The following TLR6 variants were observed in gnomAD, a reference collection of about 807,000 sequenced individuals.
The protein encoded by TLR6 is toll-like receptor 6.
In TLR6, 9 loss-of-function variants were observed where a neutral mutation model predicts 16.1. The ratio of observed to expected loss-of-function variants is 0.56; its 90% CI spans 0.34 to 0.98. The LOEUF is 0.98. TLR6 is among the 50% of genes least tolerant of loss of function. TLR6 has a pLI of 0.02. For synonymous variants in TLR6, 340 were observed against 338.6 expected (o/e 1.00, Z -0.04); for missense variants, 786 against 921.0 (o/e 0.85, Z 1.90).
chr4:38,845,861 G>A (rs1414413979), intron 1 of TLR6, among the ~76,000 whole-genome samples: 3 of 152,146 alleles, frequency 2.0e-5, no homozygotes, highest in Non-Finnish European at 4.4e-5. Flanking sequence ...GGAGGCCGAG[G>A]TGGATGGATT....
intron 1 of TLR6, among the ~76,000 whole-genome samples, chr4:38,849,034 T>C (rs1409554167): frequency 6.6e-6 from 1 of 152,178 alleles, no homozygotes; most frequent in East Asian, 1.9e-4. Context: ...GAGAGAAAGG[T>C]TGGGTTACCC....
At chr4:38,839,184 G>C (rs1411084224) in intron 1 of TLR6, among the ~76,000 whole-genome samples, 1 of 151,512 alleles carries the variant, frequency 6.6e-6, no homozygotes, top group African/African-American at 2.4e-5. Context: ...CATTTTGCTA[G>C]GTGAAAGAAG....
chr4:38,847,512 G>A (rs574035436), intron 1 of TLR6, among the ~76,000 whole-genome samples: 5 of 64 alleles, frequency 0.078, no homozygotes, highest in South Asian at 0.42. Flanking sequence ...AAGCACAAGG[G>A]GTCAGGAATT....
chr4:38,834,133 G>A (rs1248077489), intron 1 of TLR6, among the ~76,000 whole-genome samples: 8 of 151,448 alleles, frequency 5.3e-5, no homozygotes, highest in Middle Eastern at 3.4e-3. Flanking sequence ...AGCTACTTGC[G>A]AGGCTGAGGC....
intron 1 of TLR6, among the ~76,000 whole-genome samples, chr4:38,841,019 G>A (rs1345762673): frequency 4.0e-5 from 6 of 151,776 alleles, no homozygotes; most frequent in Admixed American, 3.9e-4. Context: ...CTGTCCCTGT[G>A]ATATACTTTT....
exon 2 of TLR6, chr4:38,826,771 T>C (rs1727559385): frequency 9.7e-6 from 2 of 206,902 alleles, no homozygotes; most frequent in African/African-American, 4.7e-5. Flanking sequence ...CATGAAGCCA[T>C]ATAAACTCTT....
At chr4:38,829,212 T>G (rs1400960685) in exon 2 of TLR6, 2 of 1,614,168 alleles carry the variant, frequency 1.2e-6, no homozygotes, top group East Asian at 4.5e-5. Flanking sequence ...AGTAGCTGGA[T>G]TCTGTTATGG....
In TLR6 at chr4:38,832,935, G is replaced by A. The variant is rs115824768; in HGVS notation, c.-64-3398C>T. 8.2e-3 allele frequency among the ~76,000 whole-genome samples: 1,243 copies of A among 151,640 alleles called. 22 individuals carry two copies. Among genetic ancestry groups the A allele is most frequent in the African/African-American group, 0.028 (1,162 of 41,312 alleles). Reference sequence around the variant, plus strand: ...CCATCTTCCCTAGCAGCAGGACTACGACACATCTACACATGCCTCCAAGGG... The same window carrying A: ...CCATCTTCCCTAGCAGCAGGACTACAACACATCTACACATGCCTCCAAGGG... On this transcript the variant is annotated intron_variant, in intron 1 of 1. Coordinates refer to ENST00000436693, the Ensembl canonical transcript of TLR6.
chr4:38,831,526 A>G (rs1223507216), intron 1 of TLR6, among the ~76,000 whole-genome samples: 1 of 152,246 alleles, frequency 6.6e-6, no homozygotes, highest in Non-Finnish European at 1.5e-5. Flanking sequence ...CTTCATTAAA[A>G]TTAAAATTTT....
At chr4:38,865,937 G>A in the TLR6 span, among the ~76,000 whole-genome samples, 11 of 151,972 alleles carry the variant, frequency 7.2e-5, no homozygotes, top group Admixed American at 4.6e-4. Flanking sequence ...TCAGGAGTTC[G>A]AGACCAGCCT....
chr4:38,838,690 A>T (rs1712061873), intron 1 of TLR6, among the ~76,000 whole-genome samples: 1 of 152,176 alleles, frequency 6.6e-6, no homozygotes, highest in Non-Finnish European at 1.5e-5. Context: ...GGGTGACTAT[A>T]GCTAACAATA....
the TLR6 span, among the ~76,000 whole-genome samples, chr4:38,866,709 G>T: frequency 5.6e-4 from 85 of 152,004 alleles, 1 homozygote; most frequent in African/African-American, 1.9e-3. Context: ...TACAAAATAC[G>T]TCAACATCTC....
At chr4:38,827,084 T>A (rs1238730890) in exon 2 of TLR6, 5 of 1,567,322 alleles carry the variant, frequency 3.2e-6, no homozygotes, top group South Asian at 1.2e-5. Flanking sequence ...TAAATTTTTT[T>A]AAGATTTCAC....
intron 1 of TLR6, among the ~76,000 whole-genome samples, chr4:38,832,194 T>C (rs1050073695): frequency 3.9e-5 from 6 of 152,194 alleles, no homozygotes; most frequent in African/African-American, 1.4e-4. Flanking sequence ...AGCATTAAAA[T>C]GGCTGAATAG....
At chr4:38,837,148 T>C (rs1334016604) in intron 1 of TLR6, among the ~76,000 whole-genome samples, 1 of 152,102 alleles carries the variant, frequency 6.6e-6, no homozygotes, top group Admixed American at 6.5e-5. Flanking sequence ...ATTGTTAAAA[T>C]GACCACACTA....
upstream of TLR6, among the ~76,000 whole-genome samples, chr4:38,860,213 T>C (rs555815482): frequency 6.6e-6 from 1 of 152,138 alleles, no homozygotes; most frequent in Non-Finnish European, 1.5e-5. Context: ...GGCTCACACT[T>C]GTAATCTCAG....
exon 2 of TLR6, chr4:38,828,467 A>G: frequency 6.2e-7 from 1 of 1,614,198 alleles, no homozygotes; most frequent in Admixed American, 1.7e-5. Flanking sequence ...TGAAATGGTT[A>G]ACATCATAAT....
At chr4:38,827,693 G>A in exon 2 of TLR6, 1 of 1,614,184 alleles carries the variant, frequency 6.2e-7, no homozygotes, top group South Asian at 1.1e-5. Flanking sequence ...CACCAGCATG[G>A]TGGCACCGAT....
chr4:38,827,899 T>C, exon 2 of TLR6: 1 of 1,614,220 alleles, frequency 6.2e-7, no homozygotes, highest in Non-Finnish European at 8.5e-7. Context: ...TGTCCCCTGC[T>C]TTTATTGACC....
Sources: gnomAD v4.1 joint callset for allele counts (sites outside exome capture counted in the v4.1 genomes callset) on GRCh38, gnomAD v4.1.1 for gene constraint, MANE v1.5 for transcripts, NCBI Gene and HGNC (gene_info 2026-07-23, HGNC 2026-07-21) for gene names.